SIN3A: variants seen among roughly 807,000 people sequenced by gnomAD.
SIN3A encodes the protein SIN3 transcription regulator family member A.
SIN3A carries 14 observed loss-of-function variants against 146.1 expected under a neutral mutation model. The observed-to-expected ratio is 0.10, with a 90% CI of 0.06 to 0.15. The LOEUF (loss-of-function observed/expected upper bound fraction) is 0.15. Ranked by LOEUF, SIN3A falls within the 10% of genes least tolerant of loss-of-function variation. SIN3A has a pLI of 1.00. For synonymous variants in SIN3A, 572 were observed against 572.0 expected (o/e 1.00, Z 0.00); for missense variants, 1,028 against 1,576.0 (o/e 0.65, Z 5.89).
At chr15:75,417,905 T>C (rs1160202033) in intron 3 of SIN3A, among the ~76,000 whole-genome samples, 1 of 152,196 alleles carries the variant, frequency 6.6e-6, no homozygotes, top group Non-Finnish European at 1.5e-5. Context: ...GTTAGTCCCT[T>C]CGGCCCTTCT....
intron 4 of SIN3A, among the ~76,000 whole-genome samples, chr15:75,413,320 C>T (rs2073678182): frequency 6.6e-6 from 1 of 151,120 alleles, no homozygotes; most frequent in Non-Finnish European, 1.5e-5. Context: ...GGGGTTTCAC[C>T]ATGTTGGCCA....
At chr15:75,451,033 G>A (rs1171614795) in intron 1 of SIN3A, among the ~76,000 whole-genome samples, 3 of 33,434 alleles carry the variant, frequency 9.0e-5, no homozygotes, top group African/African-American at 3.6e-4. Context: ...ACCCCTCCCC[G>A]ACCCCAGCAG....
intron 11 of SIN3A, 60 bp from the exon 12 acceptor site, chr15:75,400,216 C>T (rs929929582): frequency 2.2e-6 from 2 of 896,078 alleles, no homozygotes; most frequent in Admixed American, 2.1e-5. Flanking sequence ...GGTGATTAAG[C>T]ATTCTGAATG....
intron 18 of SIN3A, among the ~76,000 whole-genome samples, chr15:75,381,314 G>GA (rs920550962): frequency 2.0e-5 from 3 of 152,180 alleles, no homozygotes; most frequent in African/African-American, 7.2e-5. Context: ...GATGACATGA[G>GA]AAAGACCTCA....
intron 3 of SIN3A, chr15:75,420,112 CTT>C (rs1248443354): frequency 1.3e-5 from 2 of 152,270 alleles, no homozygotes; most frequent in Admixed American, 6.5e-5. Context: ...TCTTAGCTCA[CTT>C]CAACAGGGAT....
intron 1 of SIN3A, among the ~76,000 whole-genome samples, chr15:75,450,993 C>A (rs2074394542): frequency 6.6e-6 from 1 of 151,968 alleles, no homozygotes; most frequent in South Asian, 2.1e-4. Flanking sequence ...CCTGCCGCGC[C>A]CTGAATCTAC....
chr15:75,440,421 G>C (rs951517791), intron 1 of SIN3A, among the ~76,000 whole-genome samples: 2 of 151,780 alleles, frequency 1.3e-5, no homozygotes, highest in Non-Finnish European at 2.9e-5. Flanking sequence ...TAGTAGAAAA[G>C]GGGTTTTGCC....
chr15:75,401,254 G>A (rs558962476), intron 10 of SIN3A, among the ~76,000 whole-genome samples: 1 of 152,304 alleles, frequency 6.6e-6, no homozygotes, highest in East Asian at 1.9e-4. Context: ...CAGACTCGGT[G>A]TAGTGGCTCA....
chr15:75,409,147 T>G (rs1282217593), intron 8 of SIN3A, among the ~76,000 whole-genome samples: 2 of 151,548 alleles, frequency 1.3e-5, no homozygotes, highest in East Asian at 3.9e-4. Flanking sequence ...GAGGTTGTAG[T>G]GAGCTGAGAT....
chr15:75,378,024 T>TA lies in SIN3A; in HGVS notation c.3384-2153dup, dbSNP rs547174375. 2.7e-3 allele frequency among the ~76,000 whole-genome samples: 412 copies of TA among 152,338 alleles called. 1 individual carries two copies. The highest frequency in any genetic ancestry group is 9.0e-3 in the African/African-American group (374 of 41,568). The stretch of plus-strand genomic sequence containing the variant: ...CTGAGCTTGACAGCTTCCCAATACT[T>TA]AAAGATGTGTTTGATGACCTAGCGA... On this transcript the variant is annotated intron_variant, in intron 19 of 20. Transcript: ENST00000394947.
rs963485576 is a variant in SIN3A, at chr15:75,412,683, C to T, written c.756+80G>A. 4.8e-5 allele frequency: 65 copies of T among 1,355,606 alleles called. No homozygotes were observed. In the African/African-American group the frequency reaches 9.0e-4, roughly 19 times the overall value. 84.0% of individuals were successfully genotyped at this position (1,355,606 alleles called of 1,614,324 possible). A position where few individuals can be genotyped will look rare whatever the true frequency, so the allele number is the denominator to read the frequency against. ...TAACTTTGTTTCTCAGTATCTAAGTCTTATATAAAGGGGAAACATCAAAGG... is the reference window on the plus strand; with the variant it reads ...TAACTTTGTTTCTCAGTATCTAAGTTTTATATAAAGGGGAAACATCAAAGG... On this transcript the variant is annotated intron_variant, in intron 5 of 20. Coordinates refer to ENST00000394947, the MANE Select transcript of SIN3A (RefSeq NM_001145358.2).
chr15:75,441,077 T>A (rs2074201841), intron 1 of SIN3A, among the ~76,000 whole-genome samples: 1 of 150,008 alleles, frequency 6.7e-6, no homozygotes, highest in Non-Finnish European at 1.5e-5. Flanking sequence ...GGAGGCCAAG[T>A]CGGGTAGATC....
intron 19 of SIN3A, among the ~76,000 whole-genome samples, chr15:75,380,365 G>A (rs2072941328): frequency 6.6e-6 from 1 of 152,060 alleles, no homozygotes; most frequent in Non-Finnish European, 1.5e-5. Flanking sequence ...CTCTTCCATC[G>A]AACCATGGAG....
chr15:75,407,160 A>G lies in SIN3A; in HGVS notation c.1318-16T>C. ...TGGGTTTCTTCTGCAAAAGAAAGAT[A>G]CAAACATGTGAGATTCAACGAGTGG... On this transcript the variant is annotated splice_polypyrimidine_tract_variant and intron_variant, in intron 8 of 20. Coordinates refer to ENST00000394947, the MANE Select transcript of SIN3A (RefSeq NM_001145358.2). 1 of 1,554,216 alleles carries G rather than the reference A, an allele frequency of 6.4e-7. No homozygotes were observed. Among genetic ancestry groups the G allele is most frequent in the Non-Finnish European group, 8.9e-7 (1 of 1,128,314 alleles).
upstream of SIN3A, chr15:75,451,845 G>A (rs2074417310): frequency 6.6e-6 from 1 of 151,812 alleles, no homozygotes; most frequent in Admixed American, 6.6e-5. Context: ...CGACTGGTAG[G>A]GGAGGGGGAG....
At chr15:75,399,401 G>A (rs969724962) in intron 12 of SIN3A, among the ~76,000 whole-genome samples, 3 of 152,062 alleles carry the variant, frequency 2.0e-5, no homozygotes, top group Non-Finnish European at 4.4e-5. Flanking sequence ...GTTGGCGGGC[G>A]CCTGTAGTCC....
At chr15:75,450,688 G>T (rs969884109) in intron 1 of SIN3A, among the ~76,000 whole-genome samples, 1 of 152,222 alleles carries the variant, frequency 6.6e-6, no homozygotes, top group Non-Finnish European at 1.5e-5. Flanking sequence ...CCCCCAGGCA[G>T]AAGGCATGAC....
intron 1 of SIN3A, among the ~76,000 whole-genome samples, chr15:75,447,375 A>G (rs2074325138): frequency 6.6e-6 from 1 of 152,244 alleles, no homozygotes; most frequent in Non-Finnish European, 1.5e-5. Flanking sequence ...AAGACACAGA[A>G]GAGTCAACAA....
At chr15:75,387,938 C>T (rs749186717) in intron 16 of SIN3A, among the ~76,000 whole-genome samples, 20 of 152,146 alleles carry the variant, frequency 1.3e-4, no homozygotes, top group Non-Finnish European at 7.4e-5. Flanking sequence ...ACTTCTTCAA[C>T]TTATTGGAAA....
Sources: gnomAD v4.1 joint callset for allele counts (sites outside exome capture counted in the v4.1 genomes callset) on GRCh38, gnomAD v4.1.1 for gene constraint, MANE v1.5 for transcripts, NCBI Gene and HGNC (gene_info 2026-07-23, HGNC 2026-07-21) for gene names.